Variants in CBX1 observed in about 807,000 individuals in gnomAD.
The protein encoded by CBX1 is chromobox protein homolog 1.
Under a neutral mutation model 25.1 loss-of-function variants are expected in CBX1, and 10 were observed. The ratio of observed to expected loss-of-function variants is 0.40; its 90% CI spans 0.25 to 0.68. CBX1 has a LOEUF of 0.68. Ranked by LOEUF, CBX1 falls within the 30% of genes least tolerant of loss-of-function variation. The pLI is 0.40. For missense variants in CBX1, 106 were observed against 218.5 expected (o/e 0.49, Z 3.25); for synonymous variants, 63 against 79.4 (o/e 0.79, Z 1.10).
intron 3 of CBX1, among the ~76,000 whole-genome samples, chr17:48,075,394 C>T (rs1292202559): frequency 6.6e-6 from 1 of 152,058 alleles, no homozygotes; most frequent in South Asian, 2.1e-4. Flanking sequence ...CCAGTTTCTC[C>T]GTGTTAGTCA....
intron 1 of CBX1, among the ~76,000 whole-genome samples, chr17:48,080,884 G>A (rs543618996): frequency 1.4e-3 from 146 of 107,594 alleles, no homozygotes; most frequent in Non-Finnish European, 1.8e-3. Flanking sequence ...TCGCGCCACT[G>A]CACTCCAGCC....
At position 48,096,845 on chromosome 17, in the gene CBX1, T is replaced by C. The variant is rs368694796; in HGVS notation, c.-38+4423A>G. Among the ~76,000 whole-genome samples, 80 of 152,014 alleles carry C rather than the reference T, an allele frequency of 5.3e-4. No homozygotes were observed. In the East Asian group the frequency reaches 0.01, roughly 19 times the overall value. On this transcript the variant is annotated intron_variant, in intron 1 of 4. Coordinates refer to ENST00000225603, the MANE Select transcript of CBX1 (RefSeq NM_001127228.2). The stretch of plus-strand genomic sequence containing the variant: ...CAGTGGCTCATGTCTGTAATCCCAG[T>C]ACTTTGGGAGGGTGAGGTGGGAAGA...
At chr17:48,078,200 T>G (rs531922323) in intron 1 of CBX1, among the ~76,000 whole-genome samples, 2 of 140,154 alleles carry the variant, frequency 1.4e-5, no homozygotes, top group South Asian at 2.2e-4. Context: ...TTTGAATTTG[T>G]TTTTTTTTTT....
intron 1 of CBX1, among the ~76,000 whole-genome samples, chr17:48,092,217 T>C (rs1285778905): frequency 6.6e-6 from 1 of 151,592 alleles, no homozygotes; most frequent in Admixed American, 6.6e-5. Context: ...CTCGAACTCC[T>C]GACCTCGGGT....
At chr17:48,092,455 TCTC>T (rs2063349439) in intron 1 of CBX1, among the ~76,000 whole-genome samples, 1 of 13,398 alleles carries the variant, frequency 7.5e-5, no homozygotes, top group Non-Finnish European at 3.0e-4. Flanking sequence ...AGACTCCATC[TCTC>T]TCTCTCTCTC....
At chr17:48,090,845 T>G (rs77199323) in intron 1 of CBX1, among the ~76,000 whole-genome samples, 7,993 of 152,300 alleles carry the variant, frequency 0.052, 301 homozygotes, top group Middle Eastern at 0.078. Context: ...TGGGCACCTA[T>G]TACGTGTAAG....
intron 4 of CBX1, among the ~76,000 whole-genome samples, chr17:48,074,527 G>A (rs2037656633): frequency 1.3e-5 from 2 of 152,172 alleles, no homozygotes; most frequent in African/African-American, 4.8e-5. Flanking sequence ...GCTGACCCCT[G>A]CTGGCTGATC....
intron 1 of CBX1, among the ~76,000 whole-genome samples, chr17:48,096,941 A>G (rs1456313297): frequency 6.6e-6 from 1 of 151,966 alleles, no homozygotes; most frequent in African/African-American, 2.4e-5. Flanking sequence ...TATGTGAGAA[A>G]AATAAAAGTT....
chr17:48,081,868 G>A (rs1394745043), intron 1 of CBX1, among the ~76,000 whole-genome samples: 1 of 152,164 alleles, frequency 6.6e-6, no homozygotes, highest in Non-Finnish European at 1.5e-5. Flanking sequence ...CAGAGATACT[G>A]TATTACTGGA....
At chr17:48,083,826 C>T (rs797014559) in intron 1 of CBX1, among the ~76,000 whole-genome samples, 1 of 149,602 alleles carries the variant, frequency 6.7e-6, no homozygotes, top group African/African-American at 2.5e-5. Context: ...CTCCATCCCC[C>T]CTCCAAAAAA....
At chr17:48,073,132 A>G (rs902451309) in intron 4 of CBX1, among the ~76,000 whole-genome samples, 20 of 151,888 alleles carry the variant, frequency 1.3e-4, no homozygotes, top group African/African-American at 4.8e-4. Context: ...ATTTAAAAAA[A>G]AAACAAACTC....
At chr17:48,092,687 C>T (rs2063350539) in intron 1 of CBX1, among the ~76,000 whole-genome samples, 1 of 151,846 alleles carries the variant, frequency 6.6e-6, no homozygotes, top group African/African-American at 2.4e-5. Flanking sequence ...CTCCTGACCT[C>T]GTGATCCACT....
rs571188981 is a variant in CBX1, at chr17:48,078,445, G to A, written c.-37-1404C>T. On this transcript the variant is annotated intron_variant, in intron 1 of 4. Coordinates refer to ENST00000225603, the MANE Select transcript of CBX1 (RefSeq NM_001127228.2). ...CTGACCTCATGATCCGCCTGCCTCGGCCTCCCAAAGTGCTGGGATTACAGA... is the reference window on the plus strand; with the variant it reads ...CTGACCTCATGATCCGCCTGCCTCGACCTCCCAAAGTGCTGGGATTACAGA... Among the ~76,000 whole-genome samples, 312 of 152,112 alleles carry A rather than the reference G, an allele frequency of 2.1e-3. 2 individuals are homozygous for A. Among genetic ancestry groups the A allele is most frequent in the African/African-American group, 7.2e-3 (300 of 41,498 alleles).
intron 1 of CBX1, among the ~76,000 whole-genome samples, chr17:48,083,167 A>G (rs1456081372): frequency 4.0e-5 from 6 of 149,274 alleles, no homozygotes; most frequent in African/African-American, 1.5e-4. Flanking sequence ...CACCTGGCCT[A>G]ATTTTTATTT....
intron 1 of CBX1, among the ~76,000 whole-genome samples, chr17:48,077,510 G>T (rs923374165): frequency 6.3e-5 from 9 of 143,650 alleles, no homozygotes; most frequent in African/African-American, 1.9e-4. Context: ...GGTTGGTCTC[G>T]AACTCCTGAC....
intron 1 of CBX1, among the ~76,000 whole-genome samples, chr17:48,094,495 G>T (rs956038417): frequency 2.6e-5 from 4 of 151,600 alleles, no homozygotes; most frequent in Non-Finnish European, 5.9e-5. Flanking sequence ...CACTTTGGGA[G>T]GCCGAGGTGG....
chr17:48,075,088 G>A lies in CBX1; in HGVS notation c.331C>T (p.Arg111Ter). ...KKKKEESEKP[R>*]GFARGLEPER... ...GGCTCCAAACCTCGAGCAAAGCCTCGTGGCTTTTCTGACTGTAAAAACAAG... is the reference window on the plus strand; with the variant it reads ...GGCTCCAAACCTCGAGCAAAGCCTCATGGCTTTTCTGACTGTAAAAACAAG... The change falls in exon 4 of 5, where the codon CGA becomes TGA. Residue 111 changes from arginine (R) to a stop codon, truncating the protein, a stop_gained. Transcript: ENST00000225603. LOFTEE classifies it high-confidence loss of function. The A allele has an allele frequency of 1.9e-6, 3 of 1,613,556 alleles. No homozygotes were observed. Among genetic ancestry groups the A allele is most frequent in the Non-Finnish European group, 2.5e-6 (3 of 1,179,518 alleles).
chr17:48,073,824 C>CA (rs60857566), intron 4 of CBX1, among the ~76,000 whole-genome samples: 963 of 82,458 alleles, frequency 0.012, 58 homozygotes, highest in African/African-American at 0.049. Flanking sequence ...GAGACTGTCT[C>CA]AAAAAAAAAA....
rs1567765629 is a variant in CBX1, at chr17:48,080,994, A to AT, written c.-37-3954_-37-3953insA. The stretch of plus-strand genomic sequence containing the variant: ...TATATATATATATATATATATATAT[A>AT]AAATTTGTCTTAGAAAAATAAATAG... On this transcript the variant is annotated intron_variant, in intron 1 of 4. Transcript: ENST00000225603. 8.2e-4 allele frequency among the ~76,000 whole-genome samples: 70 copies of AT among 85,532 alleles called. 1 individual carries two copies. The highest frequency in any genetic ancestry group is 2.1e-3 in the Admixed American group (18 of 8,416). 56.1% of individuals were successfully genotyped at this position (85,532 alleles called of 152,430 possible). A position where few individuals can be genotyped will look rare whatever the true frequency, so the allele number is the denominator to read the frequency against.
Sources: gnomAD v4.1 joint callset for allele counts (sites outside exome capture counted in the v4.1 genomes callset) on GRCh38, gnomAD v4.1.1 for gene constraint, MANE v1.5 for transcripts, NCBI Gene and HGNC (gene_info 2026-07-23, HGNC 2026-07-21) for gene names.